The following NDE1 variants were observed in gnomAD, a reference collection of about 807,000 sequenced individuals.
NDE1 encodes the protein nudE neurodevelopment protein 1, also known as nuclear distribution protein nudE homolog 1.
A neutral mutation model predicts 43.4 loss-of-function variants in NDE1; 28 were observed. That is an observed-to-expected ratio of 0.65 (90% CI 0.48 to 0.89). The LOEUF is 0.89. Ranked by LOEUF, NDE1 falls within the 40% of genes least tolerant of loss-of-function variation. The pLI, the probability that NDE1 is intolerant of heterozygous loss-of-function variation, is 0.00. For synonymous variants in NDE1, 184 were observed against 172.0 expected, an observed-to-expected ratio of 1.07 and a Z score of -0.55; for missense variants, 441 against 434.1, an observed-to-expected ratio of 1.02 and a Z score of -0.14.
intron 5 of NDE1, among the ~76,000 whole-genome samples, chr16:15,690,564 T>C (rs1465276147): frequency 6.6e-6 from 1 of 151,868 alleles, no homozygotes; most frequent in Non-Finnish European, 1.5e-5. Context: ...TATGTTGGAA[T>C]TGTTTTTTCA....
At chr16:15,690,337 C>CTTTTTTTTTCTTTTCTTTTTTTTTTTTTT (rs2038671317) in intron 5 of NDE1, among the ~76,000 whole-genome samples, 1 of 74,108 alleles carries the variant, frequency 1.3e-5, no homozygotes, top group African/African-American at 4.7e-5. Flanking sequence ...TGCAACTGGC[C>CTTTTTTTTTCTTTTCTTTTTTTTTTTTTT]TTTTTTTTTT....
At chr16:15,677,375 CAG>C (rs1372222185) in intron 3 of NDE1, among the ~76,000 whole-genome samples, 1 of 152,024 alleles carries the variant, frequency 6.6e-6, no homozygotes, top group Non-Finnish European at 1.5e-5. Context: ...CTTGAGGTGT[CAG>C]GAGTTCAAGA....
At chr16:15,705,556 T>A (rs969122554) in intron 8 of NDE1, among the ~76,000 whole-genome samples, 5 of 152,204 alleles carry the variant, frequency 3.3e-5, no homozygotes, top group Non-Finnish European at 5.9e-5. Flanking sequence ...CATCTGGCCC[T>A]GTTTGACCTG....
chr16:15,697,995 A>G (rs1301866243), intron 8 of NDE1, among the ~76,000 whole-genome samples: 1 of 151,660 alleles, frequency 6.6e-6, no homozygotes, highest in Non-Finnish European at 1.5e-5. Flanking sequence ...TTTAGTCGAG[A>G]CGGGGTTTCA....
rs187876820 is a variant in NDE1, at chr16:15,680,836, C to A, written c.386+2887C>A. ...TACAGGCATGAACCACTGTGCCTGG[C>A]CCTTTGTATATTTTTACTACTAATC... is the stretch of plus-strand genomic sequence containing the variant. On this transcript the variant is annotated intron_variant, in intron 4 of 8. Transcript: ENST00000396354. Among the ~76,000 whole-genome samples the A allele has an allele frequency of 8.5e-5, 13 of 152,140 alleles. No homozygotes were observed. In the East Asian group the frequency reaches 2.5e-3, roughly 29 times the overall value.
intron 7 of NDE1, among the ~76,000 whole-genome samples, chr16:15,695,120 G>C (rs2038946857): frequency 6.6e-6 from 1 of 151,844 alleles, no homozygotes; most frequent in Admixed American, 6.6e-5. Flanking sequence ...GGGAGGTTGA[G>C]GCTGAGTGAG....
chr16:15,712,255 A>T (rs768456325), intron 8 of NDE1, among the ~76,000 whole-genome samples: 9 of 152,166 alleles, frequency 5.9e-5, no homozygotes, highest in Non-Finnish European at 1.2e-4. Flanking sequence ...TTCTAGGAAG[A>T]AGCTAGGGCT....
rs376657830 is a variant in NDE1, at chr16:15,691,279, G to T, written c.659G>T (p.Arg220Leu). The change falls in exon 6 of 9, where the codon CGA (arginine) becomes CTA (leucine). Residue 220 changes from arginine (R) to leucine (L), a missense_variant. By Grantham distance (102) the Arg-to-Leu change is moderately radical. Transcript: ENST00000396354. ...GSVPSTPIAH[R>L]GPSSSLNTPG... is the part of the protein sequence containing the mutation. ...GTGCCGTCCACGCCCATTGCTCACC[G>T]AGGACCCAGCTCAAGTTTAAACACA... The T allele has an allele frequency of 6.2e-7, 1 of 1,614,144 alleles. No individual in the cohort carries two copies.
intron 8 of NDE1, chr16:15,721,350 C>T (rs2040469835): frequency 2.6e-6 from 4 of 1,516,778 alleles, no homozygotes; most frequent in Non-Finnish European, 3.7e-6. Flanking sequence ...GCTAGCCTCG[C>T]ATGGACTGGT....
rs141830488 is a variant in NDE1 at position 15,721,214 on chromosome 16, C to G, written c.948-2977C>G. The G allele has an allele frequency of 1.9e-3, 1,804 of 965,130 alleles. 1 individual carries two copies. The highest frequency in any genetic ancestry group is 2.2e-3 in the African/African-American group (138 of 61,996). 59.8% of individuals were successfully genotyped at this position (965,130 alleles called of 1,614,324 possible). A position where few individuals can be genotyped will look rare whatever the true frequency, so the allele number is the denominator to read the frequency against. ...TGACCCCTGAGAGTTCAGACCCCAG[C>G]CTTATCCTCGGACCCCCCAACTCAG... On this transcript the variant is annotated intron_variant, in intron 8 of 8. Coordinates refer to ENST00000396354, the MANE Select transcript of NDE1 (RefSeq NM_017668.3).
chr16:15,708,894 C>T, intron 8 of NDE1: 2 of 1,525,608 alleles, frequency 1.3e-6, no homozygotes, highest in South Asian at 2.3e-5. Context: ...AAGAAGGAGC[C>T]CGGTTAAGTA....
intron 1 of NDE1, among the ~76,000 whole-genome samples, chr16:15,660,825 A>G (rs2037006352): frequency 6.6e-6 from 1 of 152,086 alleles, no homozygotes; most frequent in Admixed American, 6.6e-5. Context: ...CACTCCCAGG[A>G]CAGCACAGTC....
intron 3 of NDE1, among the ~76,000 whole-genome samples, chr16:15,667,866 G>A (rs899111787): frequency 4.0e-5 from 6 of 151,626 alleles, no homozygotes; most frequent in African/African-American, 4.8e-5. Context: ...TCCTGACCTC[G>A]GGATCCATGA....
At chr16:15,709,414 A>G (rs111779140) in intron 8 of NDE1, among the ~76,000 whole-genome samples, 5 of 151,754 alleles carry the variant, frequency 3.3e-5, no homozygotes, top group Non-Finnish European at 5.9e-5. Flanking sequence ...TCCCGGGTTC[A>G]AGCGATTCTC....
At position 15,708,660 on chromosome 16, in the gene NDE1, A is replaced by G. The variant is rs528322406; in HGVS notation, c.947+11800A>G. ...TTGGTTTCAATGAAAGCTTTGCACAAAGATATCCAAGCCTCCAGATTTTGC... is the reference window on the plus strand; with the variant it reads ...TTGGTTTCAATGAAAGCTTTGCACAGAGATATCCAAGCCTCCAGATTTTGC... On this transcript the variant is annotated intron_variant, in intron 8 of 8. Transcript: ENST00000396354. 10 of 862,890 alleles carry G rather than the reference A, an allele frequency of 1.2e-5. No homozygotes were observed. The African/African-American group carries it at 1.7e-4, about 14-fold the overall frequency. The allele number at this position is 862,890 out of a possible 1,614,324, so 53.5% of individuals were successfully genotyped here.
At chr16:15,644,235 T>C (rs1371320954) in intron 1 of NDE1, among the ~76,000 whole-genome samples, 1 of 152,228 alleles carries the variant, frequency 6.6e-6, no homozygotes, top group East Asian at 1.9e-4. Flanking sequence ...TGCAAAAGAA[T>C]CAGTAAGTCG....
At chr16:15,695,547 T>C in intron 7 of NDE1, 1 of 985,154 alleles carries the variant, frequency 1.0e-6, no homozygotes, top group Non-Finnish European at 1.2e-6. Flanking sequence ...AATTTGGCCT[T>C]TCAGCTTTTA....
intron 8 of NDE1, chr16:15,699,963 A>G (rs2039170994): frequency 3.1e-5 from 38 of 1,208,328 alleles, no homozygotes; most frequent in Non-Finnish European, 4.0e-5. Context: ...GGCCCAAGCC[A>G]ATGACCGAGG....
chr16:15,647,345 G>A (rs182734211), upstream of NDE1, among the ~76,000 whole-genome samples: 76 of 152,230 alleles, frequency 5.0e-4, 1 homozygote, highest in Non-Finnish European at 1.9e-4. Flanking sequence ...GAAGAAGGAG[G>A]GTTTAGGAGT....
Sources: gnomAD v4.1 joint callset for allele counts (sites outside exome capture counted in the v4.1 genomes callset) on GRCh38, gnomAD v4.1.1 for gene constraint, MANE v1.5 for transcripts, NCBI Gene and HGNC (gene_info 2026-07-23, HGNC 2026-07-21) for gene names.